Variants in SBF2 observed in about 807,000 individuals in gnomAD.
SBF2 encodes the protein SET binding factor 2, also known as myotubularin-related protein 13.
In SBF2, 112 loss-of-function variants were observed where a neutral mutation model predicts 225.2. The observed-to-expected ratio is 0.50, with a 90% CI of 0.43 to 0.58. The LOEUF (loss-of-function observed/expected upper bound fraction) is 0.58, where lower values mean the gene tolerates loss of function less well. Ranked by LOEUF, SBF2 falls within the 20% of genes least tolerant of loss-of-function variation. The pLI, the probability that SBF2 is intolerant of heterozygous loss-of-function variation, is 0.00. For synonymous variants in SBF2, 763 were observed against 773.3 expected (o/e 0.99, Z 0.22); for missense variants, 1,996 against 2,206.2 (o/e 0.90, Z 1.91).
At position 10,037,563 on chromosome 11, in the gene SBF2, AC is replaced by A. The variant is rs1949489086; in HGVS notation, c.279+5280del. Among the ~76,000 whole-genome samples, 8 of 152,150 alleles carry A rather than the reference AC, an allele frequency of 5.3e-5. No individual in the cohort carries two copies. In the South Asian group the frequency reaches 1.0e-3, roughly 20 times the overall value. ...CACAGTTATTCATAATATTGACAAAACAGGAAATACATGTCCATCAGGGGAT... is the reference window on the plus strand; with the variant it reads ...CACAGTTATTCATAATATTGACAAAAAGGAAATACATGTCCATCAGGGGAT... On this transcript the variant is annotated intron_variant, in intron 3 of 39. Coordinates refer to ENST00000256190, the MANE Select transcript of SBF2 (RefSeq NM_030962.4).
chr11:9,984,209 T>C (rs1426229247), intron 13 of SBF2, among the ~76,000 whole-genome samples: 1 of 152,104 alleles, frequency 6.6e-6, no homozygotes, highest in Non-Finnish European at 1.5e-5. Flanking sequence ...GAAATATTCA[T>C]AGAAATAGAT....
chr11:9,975,070 T>C (rs1052205644), intron 13 of SBF2, among the ~76,000 whole-genome samples: 8 of 145,800 alleles, frequency 5.5e-5, no homozygotes, highest in African/African-American at 1.8e-4. Flanking sequence ...CTGGTGAAAA[T>C]GCAAAATAAC....
chr11:10,259,227 T>C (rs1333397071), intron 1 of SBF2, among the ~76,000 whole-genome samples: 3 of 152,182 alleles, frequency 2.0e-5, no homozygotes. Flanking sequence ...TTAGAATACT[T>C]GTAATTAAGC....
chr11:9,833,874 A>T (rs1170498589), intron 26 of SBF2, among the ~76,000 whole-genome samples: 1 of 149,500 alleles, frequency 6.7e-6, no homozygotes, highest in African/African-American at 2.5e-5. Context: ...GGGTTCAAGC[A>T]ATTCTCCTTT....
intron 2 of SBF2, among the ~76,000 whole-genome samples, chr11:10,167,260 A>G (rs1178032176): frequency 6.6e-6 from 1 of 152,198 alleles, no homozygotes; most frequent in East Asian, 1.9e-4. Context: ...AACTTCCCAT[A>G]ATATACTTCA....
chr11:9,925,370 C>T lies in SBF2; in HGVS notation c.1861-29359G>A, dbSNP rs372636374. ...TTGGCTCACTGCAACCTCCACCTCC[C>T]GGCTTCAAGCGATTTTCCTGCCTCA... is the stretch of plus-strand genomic sequence containing the variant. On this transcript the variant is annotated intron_variant, in intron 16 of 39. Transcript: ENST00000256190. Among the ~76,000 whole-genome samples, 9 of 152,152 alleles carry T rather than the reference C, an allele frequency of 5.9e-5. No homozygotes were observed. The East Asian group carries it at 1.2e-3, about 20-fold the overall frequency.
intron 2 of SBF2, among the ~76,000 whole-genome samples, chr11:10,108,486 A>G (rs1053179208): frequency 6.6e-6 from 1 of 151,164 alleles, no homozygotes; most frequent in Admixed American, 6.6e-5. Flanking sequence ...ACCTCAAAGA[A>G]GGCTGCAAAA....
chr11:10,283,722 T>C (rs563034735), intron 1 of SBF2, among the ~76,000 whole-genome samples: 28 of 152,264 alleles, frequency 1.8e-4, no homozygotes, highest in African/African-American at 6.5e-4. Flanking sequence ...ATAAGAAAAA[T>C]ATAGTTGGCT....
intron 2 of SBF2, among the ~76,000 whole-genome samples, chr11:10,090,637 C>T (rs982685089): frequency 2.6e-5 from 4 of 151,772 alleles, no homozygotes; most frequent in South Asian, 4.2e-4. Context: ...TGGTCACACA[C>T]GCCTGTAGTC....
At chr11:10,236,619 C>T (rs952239929) in intron 1 of SBF2, among the ~76,000 whole-genome samples, 1 of 152,088 alleles carries the variant, frequency 6.6e-6, no homozygotes, top group Admixed American at 6.5e-5. Context: ...ACCACTATAC[C>T]CAGCTAATTT....
In SBF2 at chr11:9,909,351, T is replaced by TA. The variant is rs561821502; in HGVS notation, c.1861-13341dup. ...TTTCCTTTTGACCTTAGAAGGAAGG[T>TA]AAAAAAAACCTGACTTACAATATAA... On this transcript the variant is annotated intron_variant, in intron 16 of 39. Coordinates refer to ENST00000256190, the MANE Select transcript of SBF2 (RefSeq NM_030962.4). 8.7e-5 allele frequency among the ~76,000 whole-genome samples: 13 copies of TA among 150,208 alleles called. No individual in the cohort carries two copies. In the South Asian group the frequency reaches 2.1e-3, roughly 24 times the overall value.
chr11:10,231,303 C>G (rs981848591), intron 1 of SBF2, among the ~76,000 whole-genome samples: 1 of 152,122 alleles, frequency 6.6e-6, no homozygotes, highest in Non-Finnish European at 1.5e-5. Flanking sequence ...AGCCTTCTCT[C>G]AACTCGTCAA....
intron 16 of SBF2, among the ~76,000 whole-genome samples, chr11:9,900,331 G>A (rs567459792): frequency 1.9e-4 from 29 of 151,786 alleles, no homozygotes; most frequent in African/African-American, 6.8e-4. Flanking sequence ...AACCTTTTTC[G>A]ATTACTGCTC....
At chr11:10,103,142 A>T (rs1952384547) in intron 2 of SBF2, among the ~76,000 whole-genome samples, 1 of 152,130 alleles carries the variant, frequency 6.6e-6, no homozygotes, top group Non-Finnish European at 1.5e-5. Context: ...CTTTTTAAAA[A>T]TTTTTGAGTT....
upstream of SBF2, chr11:10,294,309 A>G: frequency 2.7e-5 from 9 of 338,754 alleles, no homozygotes; most frequent in Non-Finnish European, 4.8e-5. Flanking sequence ...GCCCACCTCC[A>G]CCCTCCGCGG....
At position 10,146,748 on chromosome 11, in the gene SBF2, T is replaced by C. The variant is rs908564633; in HGVS notation, c.141+47154A>G. On this transcript the variant is annotated intron_variant, in intron 2 of 39. Coordinates refer to ENST00000256190, the MANE Select transcript of SBF2 (RefSeq NM_030962.4). ...GGATCTAATTAAACTAAAGAGCTTCTGCACAGCAAAAGAAACTATCAACAG... is the reference window on the plus strand; with the variant it reads ...GGATCTAATTAAACTAAAGAGCTTCCGCACAGCAAAAGAAACTATCAACAG... 1.3e-4 allele frequency among the ~76,000 whole-genome samples: 20 copies of C among 152,284 alleles called. No individual in the cohort carries two copies. In the South Asian group the frequency reaches 1.4e-3, roughly 11 times the overall value.
At chr11:10,273,597 T>C (rs6484148) in intron 1 of SBF2, among the ~76,000 whole-genome samples, 71,456 of 152,100 alleles carry the variant, frequency 0.47, 17,432 homozygotes, top group Non-Finnish European at 0.54. Context: ...GCTAGGACCA[T>C]GGGTGGCAAA....
intron 29 of SBF2, among the ~76,000 whole-genome samples, chr11:9,815,075 T>G (rs1854382618): frequency 6.6e-6 from 1 of 152,086 alleles, no homozygotes; most frequent in African/African-American, 2.4e-5. Flanking sequence ...GAATAAAAGA[T>G]AAAACCTGAA....
intron 1 of SBF2, among the ~76,000 whole-genome samples, chr11:10,243,744 A>G (rs1356317187): frequency 6.6e-6 from 1 of 152,164 alleles, no homozygotes; most frequent in Admixed American, 6.5e-5. Flanking sequence ...CCAAGGCTGA[A>G]TTAAGAAGAA....
Sources: allele counts gnomAD v4.1 joint callset (sites outside exome capture counted in the v4.1 genomes callset), GRCh38; gene constraint gnomAD v4.1.1; transcripts MANE v1.5; gene names NCBI Gene and HGNC (gene_info 2026-07-23, HGNC 2026-07-21).